ZC2HC1B: variants seen among roughly 807,000 people sequenced by gnomAD.
ZC2HC1B encodes zinc finger C2HC domain-containing protein 1B.
In ZC2HC1B, 36 loss-of-function variants were observed where a neutral mutation model predicts 31.0. That is an observed-to-expected ratio of 1.16 (90% CI 0.89 to 1.54). The LOEUF is 1.54. Ranked by LOEUF, ZC2HC1B falls within the 40% of genes most tolerant of loss-of-function variation. The probability of loss-of-function intolerance (pLI) is 0.00; values close to 1 mark genes in which losing one functional copy is unlikely to be tolerated. For missense variants in ZC2HC1B, 260 were observed against 268.6 expected, an observed-to-expected ratio of 0.97 and a Z score of 0.22; for synonymous variants, 73 against 88.0, an observed-to-expected ratio of 0.83 and a Z score of 0.95.
intron 1 of ZC2HC1B, among the ~76,000 whole-genome samples, chr6:143,874,113 C>T (rs545791819): frequency 1.7e-4 from 26 of 152,274 alleles, no homozygotes; most frequent in African/African-American, 5.3e-4. Flanking sequence ...AGGTACCCTA[C>T]GTCATATCTC....
intron 5 of ZC2HC1B, among the ~76,000 whole-genome samples, chr6:143,901,506 T>A (rs1777738628): frequency 6.6e-6 from 1 of 151,984 alleles, no homozygotes; most frequent in Non-Finnish European, 1.5e-5. Flanking sequence ...GTGATCTGCC[T>A]GCCTTGGTCT....
intron 1 of ZC2HC1B, among the ~76,000 whole-genome samples, chr6:143,876,244 T>C (rs1225865417): frequency 6.6e-6 from 1 of 150,630 alleles, no homozygotes; most frequent in African/African-American, 2.5e-5. Flanking sequence ...CATCATTTTC[T>C]TTCATTACTC....
In ZC2HC1B at chr6:143,929,604, G is replaced by A. The variant is rs536973155; in HGVS notation, c.599-8045G>A. 1.7e-4 allele frequency among the ~76,000 whole-genome samples: 26 copies of A among 152,296 alleles called. 1 individual carries two copies. The South Asian group carries it at 5.0e-3, about 29-fold the overall frequency. ...TGATACTTTGTAGAATTAGGGAAGA[G>A]TCCCTCCTCTTCAGTGTTTTGGGAC... On this transcript the variant is annotated intron_variant, in intron 6 of 7. Coordinates refer to ENST00000237275, the MANE Select transcript of ZC2HC1B (RefSeq NM_001013623.3).
chr6:143,896,540 T>C (rs1777668029), intron 4 of ZC2HC1B, among the ~76,000 whole-genome samples: 1 of 152,258 alleles, frequency 6.6e-6, no homozygotes, highest in African/African-American at 2.4e-5. Flanking sequence ...GTTTCACTTC[T>C]ATTTGGTAGT....
intron 4 of ZC2HC1B, among the ~76,000 whole-genome samples, chr6:143,893,353 C>T (rs138473032): frequency 0.028 from 4,223 of 152,138 alleles, 111 homozygotes; most frequent in Admixed American, 0.075. Flanking sequence ...TCCCTTGAGG[C>T]CGGGAGTTTG....
At chr6:143,881,111 T>G (rs190887622) in intron 1 of ZC2HC1B, among the ~76,000 whole-genome samples, 112 of 152,346 alleles carry the variant, frequency 7.4e-4, no homozygotes, top group African/African-American at 2.6e-3. Flanking sequence ...TTTATCCTTT[T>G]ACAGTCTCTA....
rs982165210 is a variant in ZC2HC1B at position 143,930,657 on chromosome 6, G to A, written c.599-6992G>A. Among the ~76,000 whole-genome samples, 19 of 152,154 alleles carry A rather than the reference G, an allele frequency of 1.2e-4. No individual in the cohort carries two copies. In the East Asian group the frequency reaches 2.3e-3, roughly 19 times the overall value. On this transcript the variant is annotated intron_variant, in intron 6 of 7. Transcript: ENST00000237275. ...CTCCCAAAGTGCTGGGATTACAAGCGTGAGCCACCGCGCCCAGCCAGTTTT... is the reference window on the plus strand; with the variant it reads ...CTCCCAAAGTGCTGGGATTACAAGCATGAGCCACCGCGCCCAGCCAGTTTT...
At chr6:143,920,604 G>A (rs1777975266) in intron 6 of ZC2HC1B, among the ~76,000 whole-genome samples, 1 of 152,048 alleles carries the variant, frequency 6.6e-6, no homozygotes, top group East Asian at 1.9e-4. Context: ...TAAGTAAAAG[G>A]CAAAGTTCTT....
Position 143,934,656 on chromosome 6 carries a change from C to T in ZC2HC1B, c.599-2993C>T, listed in dbSNP as rs1374933913. Among the ~76,000 whole-genome samples, 1 of 152,182 alleles carries T rather than the reference C, an allele frequency of 6.6e-6. No individual in the cohort carries two copies. Among genetic ancestry groups the T allele is most frequent in the Admixed American group, 6.5e-5 (1 of 15,282 alleles). Reference sequence around the variant, plus strand: ...GTGATAGTTGGGTAGGGCACTTTAGCTTTGATACTGGAGCATACAGTAATT... The same window carrying T: ...GTGATAGTTGGGTAGGGCACTTTAGTTTTGATACTGGAGCATACAGTAATT... On this transcript the variant is annotated intron_variant, in intron 6 of 7. Coordinates refer to ENST00000237275, the MANE Select transcript of ZC2HC1B (RefSeq NM_001013623.3). This position sits in a 1 kb window ranked among gnomAD's most constrained non-coding sequence, Gnocchi z 4.6.
chr6:143,886,285 T>C lies in ZC2HC1B; in HGVS notation c.210+134T>C. Reference sequence around the variant, plus strand: ...TAACTGTAATCCACCTTTACTTTTTTCTTTATAATCTTGCTCACTTAGATT... The same window carrying C: ...TAACTGTAATCCACCTTTACTTTTTCCTTTATAATCTTGCTCACTTAGATT... On this transcript the variant is annotated intron_variant, in intron 3 of 7. Coordinates refer to ENST00000237275, the MANE Select transcript of ZC2HC1B (RefSeq NM_001013623.3). This position sits in a 1 kb window ranked among gnomAD's most constrained non-coding sequence, Gnocchi z 4.2. 9.5e-7 allele frequency: 1 copy of C among 1,054,828 alleles called. No homozygotes were observed. The highest frequency in any genetic ancestry group is 3.5e-5 in the South Asian group (1 of 28,220). The allele number at this position is 1,054,828 out of a possible 1,614,324, so 65.3% of individuals were successfully genotyped here.
rs2128497235 is a variant in ZC2HC1B at position 143,924,838 on chromosome 6, C to G, written c.599-12811C>G. 6.6e-6 allele frequency among the ~76,000 whole-genome samples: 1 copy of G among 152,272 alleles called. No individual in the cohort carries two copies. Among genetic ancestry groups the G allele is most frequent in the Non-Finnish European group, 1.5e-5 (1 of 68,018 alleles). On this transcript the variant is annotated intron_variant, in intron 6 of 7. Transcript: ENST00000237275. This position sits in a 1 kb window ranked among gnomAD's most constrained non-coding sequence, Gnocchi z 5.2. Reference sequence around the variant, plus strand: ...TATTGACTTGCATGGGTGGAACCATCCTTTCATCTGATGTATTATCCTTTT... The same window carrying G: ...TATTGACTTGCATGGGTGGAACCATGCTTTCATCTGATGTATTATCCTTTT...
Position 143,903,244 on chromosome 6 carries a change from C to G in ZC2HC1B, c.598+92C>G. 1 of 1,123,394 alleles carries G rather than the reference C, an allele frequency of 8.9e-7. No individual in the cohort carries two copies. The highest frequency in any genetic ancestry group is 1.3e-6 in the Non-Finnish European group (1 of 765,296). 69.6% of individuals were successfully genotyped at this position (1,123,394 alleles called of 1,614,324 possible). A position where few individuals can be genotyped will look rare whatever the true frequency, so the allele number is the denominator to read the frequency against. On this transcript the variant is annotated intron_variant, in intron 6 of 7. Coordinates refer to ENST00000237275, the MANE Select transcript of ZC2HC1B (RefSeq NM_001013623.3). This position sits in a 1 kb window ranked among gnomAD's most constrained non-coding sequence, Gnocchi z 4.3. ...GATTCACTGGTAGTCTGCAAAAGCTCTAAGACATTCACTGTTGCTTTTGGA... is the reference window on the plus strand; with the variant it reads ...GATTCACTGGTAGTCTGCAAAAGCTGTAAGACATTCACTGTTGCTTTTGGA...
intron 6 of ZC2HC1B, among the ~76,000 whole-genome samples, chr6:143,926,507 T>A (rs1778045316): frequency 1.3e-5 from 2 of 152,034 alleles, no homozygotes; most frequent in Admixed American, 6.6e-5. Flanking sequence ...TTTTTTTAAA[T>A]TTAGACTTGC....
In ZC2HC1B at chr6:143,911,700, A is replaced by AT. The variant is rs1367191720; in HGVS notation, c.598+8554dup. ...CCTTTCTCTCTGGCTGCCCTTAACCATTTTTTCTTTCATTTCAATCTTGAA... is the reference window on the plus strand; with the variant it reads ...CCTTTCTCTCTGGCTGCCCTTAACCATTTTTTTCTTTCATTTCAATCTTGAA... On this transcript the variant is annotated intron_variant, in intron 6 of 7. Coordinates refer to ENST00000237275, the MANE Select transcript of ZC2HC1B (RefSeq NM_001013623.3). The surrounding 1 kb of genome is among the most constrained non-coding windows in gnomAD (Gnocchi z 4.5). Among the ~76,000 whole-genome samples, 5 of 151,316 alleles carry AT rather than the reference A, an allele frequency of 3.3e-5. 1 individual carries two copies. Among genetic ancestry groups the AT allele is most frequent in the African/African-American group, 1.2e-4 (5 of 41,126 alleles).
Position 143,886,190 on chromosome 6 carries a change from C to T in ZC2HC1B, c.210+39C>T. 1 of 1,474,244 alleles carries T rather than the reference C, an allele frequency of 6.8e-7. No individual in the cohort carries two copies. The highest frequency in any genetic ancestry group is 9.0e-7 in the Non-Finnish European group (1 of 1,114,744). 91.3% of individuals were successfully genotyped at this position (1,474,244 alleles called of 1,614,324 possible). ...CTTCTTTAGTGTTTGTTATTACATT[C>T]TGCGGTACTGTAAGGCCTATTTCTG... On this transcript the variant is annotated intron_variant, in intron 3 of 7. Transcript: ENST00000237275. The surrounding 1 kb of genome is among the most constrained non-coding windows in gnomAD (Gnocchi z 4.2).
intron 1 of ZC2HC1B, among the ~76,000 whole-genome samples, chr6:143,864,824 A>G (rs1251170291): frequency 6.6e-6 from 1 of 152,254 alleles, no homozygotes; most frequent in Non-Finnish European, 1.5e-5. Flanking sequence ...TTTAAATGCC[A>G]ACCTGTGAAG....
In ZC2HC1B at chr6:143,886,842, G is replaced by T. The variant is rs979182905; in HGVS notation, c.349+21G>T. On this transcript the variant is annotated intron_variant, in intron 4 of 7. Coordinates refer to ENST00000237275, the MANE Select transcript of ZC2HC1B (RefSeq NM_001013623.3). The surrounding 1 kb of genome is among the most constrained non-coding windows in gnomAD (Gnocchi z 4.2). Reference sequence around the variant, plus strand: ...CCCAGGTGTGTAGACATTTTGGGTTGCTTTTGAGGCTATGCTTGACTTTTG... The same window carrying T: ...CCCAGGTGTGTAGACATTTTGGGTTTCTTTTGAGGCTATGCTTGACTTTTG... The T allele has an allele frequency of 2.1e-5, 31 of 1,484,008 alleles. No homozygotes were observed. The Middle Eastern group carries it at 8.7e-4, about 42-fold the overall frequency. 91.9% of individuals were successfully genotyped at this position (1,484,008 alleles called of 1,614,324 possible).
chr6:143,937,393 G>T (rs1254811799), intron 6 of ZC2HC1B, among the ~76,000 whole-genome samples: 2 of 152,130 alleles, frequency 1.3e-5, no homozygotes, highest in Non-Finnish European at 2.9e-5. Flanking sequence ...TTGAGGTGCA[G>T]TCCAAAGTCC....
chr6:143,881,739 A>G (rs1475022352), intron 1 of ZC2HC1B: 2 of 152,108 alleles, frequency 1.3e-5, no homozygotes, highest in East Asian at 1.9e-4. Context: ...AGAAACAAAC[A>G]CTGCAGACCA....
Sources: allele counts gnomAD v4.1 joint callset (sites outside exome capture counted in the v4.1 genomes callset), GRCh38; gene constraint gnomAD v4.1.1; non-coding constraint Gnocchi (gnomAD v3.1); transcripts MANE v1.5; gene names NCBI Gene and HGNC (gene_info 2026-07-23, HGNC 2026-07-21).